The following PLD5 variants were observed in gnomAD, a reference collection of about 807,000 sequenced individuals.
PLD5 encodes phospholipase D family member 5.
PLD5 carries 36 observed loss-of-function variants against 61.1 expected under a neutral mutation model. The observed-to-expected ratio is 0.59, with a 90% CI of 0.45 to 0.78. The LOEUF (loss-of-function observed/expected upper bound fraction) is 0.78, where lower values mean the gene tolerates loss of function less well. Among genes scored for constraint, PLD5 ranks in the 30% least tolerant of loss-of-function variants. The probability of loss-of-function intolerance (pLI) is 0.00; values close to 1 mark genes in which losing one functional copy is unlikely to be tolerated. For synonymous variants in PLD5, 243 were observed against 242.8 expected, an observed-to-expected ratio of 1.00 and a Z score of -0.01; for missense variants, 515 against 644.4, an observed-to-expected ratio of 0.80 and a Z score of 2.17.
chr1:242,414,638 A>T (rs113965769), intron 1 of PLD5, among the ~76,000 whole-genome samples: 30 of 152,360 alleles, frequency 2.0e-4, no homozygotes, highest in African/African-American at 7.2e-4. Flanking sequence ...TAAATTTCAA[A>T]CACATCAAAG....
chr1:242,373,787 C>G (rs1385353195), intron 1 of PLD5, among the ~76,000 whole-genome samples: 1 of 151,974 alleles, frequency 6.6e-6, no homozygotes, highest in Non-Finnish European at 1.5e-5. Flanking sequence ...ACATCACACA[C>G]CAGGGCCTGT....
chr1:242,282,663 G>A (rs1485023567), intron 3 of PLD5, among the ~76,000 whole-genome samples: 2 of 152,186 alleles, frequency 1.3e-5, no homozygotes, highest in East Asian at 1.9e-4. Flanking sequence ...AATTCATAGA[G>A]TGTGAGATTT....
chr1:242,151,960 T>C (rs1461230720), intron 5 of PLD5, among the ~76,000 whole-genome samples: 1 of 152,070 alleles, frequency 6.6e-6, no homozygotes, highest in East Asian at 1.9e-4. Context: ...TGAAAATCTA[T>C]AGTATAAAAT....
In PLD5 at chr1:242,452,205, A is replaced by G. The variant is rs377189328; in HGVS notation, c.189+71883T>C. ...AAAAATGTTCATACAGTGTACTGGC[A>G]TTTTGGACTTTTTTTTTTCAAATAA... On this transcript the variant is annotated intron_variant, in intron 1 of 9. Transcript: ENST00000536534. 7.2e-5 allele frequency among the ~76,000 whole-genome samples: 11 copies of G among 152,096 alleles called. 1 individual carries two copies. In the South Asian group the frequency reaches 2.3e-3, roughly 32 times the overall value.
intron 2 of PLD5, among the ~76,000 whole-genome samples, chr1:242,292,203 A>G (rs1675407714): frequency 6.6e-6 from 1 of 152,204 alleles, no homozygotes; most frequent in South Asian, 2.1e-4. Flanking sequence ...AAATAATCCC[A>G]GATACTCAGT....
At chr1:242,508,037 G>C (rs1668783047) in intron 1 of PLD5, among the ~76,000 whole-genome samples, 1 of 150,318 alleles carries the variant, frequency 6.7e-6, no homozygotes, top group South Asian at 2.1e-4. Context: ...TATTCAAATA[G>C]CTTTTCACCA....
chr1:242,458,882 C>G (rs187646914), intron 1 of PLD5, among the ~76,000 whole-genome samples: 4 of 152,314 alleles, frequency 2.6e-5, no homozygotes, highest in Admixed American at 1.3e-4. Context: ...TAACAATATT[C>G]TACAGAAAAT....
chr1:242,117,828 AT>A (rs1662068099), intron 6 of PLD5, among the ~76,000 whole-genome samples: 1 of 152,018 alleles, frequency 6.6e-6, no homozygotes, highest in Non-Finnish European at 1.5e-5. Flanking sequence ...TATGTTACTC[AT>A]TTTCCTATGC....
chr1:242,226,131 A>G (rs1020052070), intron 4 of PLD5, among the ~76,000 whole-genome samples: 1 of 152,240 alleles, frequency 6.6e-6, no homozygotes, highest in Non-Finnish European at 1.5e-5. Flanking sequence ...TTAATTAAAT[A>G]TATTTTTAAG....
chr1:242,266,477 T>C (rs1673680413), intron 3 of PLD5, among the ~76,000 whole-genome samples: 1 of 152,198 alleles, frequency 6.6e-6, no homozygotes, highest in African/African-American at 2.4e-5. Flanking sequence ...TAACAGTAGG[T>C]CCACAGTCAT....
At chr1:242,452,098 A>T (rs1391369655) in intron 1 of PLD5, among the ~76,000 whole-genome samples, 1 of 152,100 alleles carries the variant, frequency 6.6e-6, no homozygotes, top group African/African-American at 2.4e-5. Context: ...TACATTAATC[A>T]CGGGGGCGCA....
At chr1:242,153,398 TG>T (rs1369051295) in intron 5 of PLD5, among the ~76,000 whole-genome samples, 1 of 151,534 alleles carries the variant, frequency 6.6e-6, no homozygotes, top group Non-Finnish European at 1.5e-5. Context: ...CCATTGCTTT[TG>T]GTGTTTTAGA....
At chr1:242,493,378 A>G (rs950972053) in intron 1 of PLD5, among the ~76,000 whole-genome samples, 33 of 152,268 alleles carry the variant, frequency 2.2e-4, no homozygotes, top group African/African-American at 7.7e-4. Flanking sequence ...TGAAGCCTCG[A>G]CATGCAGGGG....
intron 1 of PLD5, among the ~76,000 whole-genome samples, chr1:242,480,600 T>C (rs1369139108): frequency 6.6e-6 from 1 of 152,166 alleles, no homozygotes; most frequent in Non-Finnish European, 1.5e-5. Flanking sequence ...GCAATATATA[T>C]AGCTGACAAG....
At chr1:242,361,969 A>ATTT (rs1172656842) in intron 1 of PLD5, among the ~76,000 whole-genome samples, 2,956 of 137,514 alleles carry the variant, frequency 0.021, 31 homozygotes, top group East Asian at 0.033. Context: ...ACCTCATCTC[A>ATTT]TTTTTTTTTT....
intron 9 of PLD5, among the ~76,000 whole-genome samples, chr1:242,090,973 G>C (rs1659777454): frequency 6.6e-6 from 1 of 151,748 alleles, no homozygotes; most frequent in East Asian, 1.9e-4. Context: ...GGCTGGTCTT[G>C]AACTCCTGGG....
At chr1:242,370,104 A>C (rs1189550804) in intron 1 of PLD5, among the ~76,000 whole-genome samples, 1 of 152,174 alleles carries the variant, frequency 6.6e-6, no homozygotes, top group Non-Finnish European at 1.5e-5. Flanking sequence ...AGAGCCATTA[A>C]GTTTGCAAAA....
intron 2 of PLD5, among the ~76,000 whole-genome samples, chr1:242,320,311 T>A (rs1358385538): frequency 6.6e-6 from 1 of 152,232 alleles, no homozygotes. Context: ...GACATTTTTC[T>A]GACCACATTT....
intron 1 of PLD5, among the ~76,000 whole-genome samples, chr1:242,363,704 C>T (rs1016642375): frequency 6.6e-6 from 1 of 151,816 alleles, no homozygotes; most frequent in African/African-American, 2.4e-5. Flanking sequence ...TTAGTAGGCA[C>T]AGATATTAAA....
Sources: allele counts gnomAD v4.1 joint callset (sites outside exome capture counted in the v4.1 genomes callset), GRCh38; gene constraint gnomAD v4.1.1; transcripts MANE v1.5; gene names NCBI Gene and HGNC (gene_info 2026-07-23, HGNC 2026-07-21).